Variants in ZBTB16 observed in about 807,000 individuals in gnomAD.
ZBTB16 encodes the protein zinc finger and BTB domain containing 16, also known as zinc finger and BTB domain-containing protein 16.
A neutral mutation model predicts 56.8 loss-of-function variants in ZBTB16; 8 were observed. The observed-to-expected ratio is 0.14, with a 90% confidence interval of 0.08 to 0.25. ZBTB16 has a LOEUF of 0.25. Ranked by LOEUF, ZBTB16 falls within the 10% of genes least tolerant of loss-of-function variation. The pLI is 1.00. For missense variants in ZBTB16, 625 were observed against 903.0 expected, an observed-to-expected ratio of 0.69 and a Z score of 3.95; for synonymous variants, 363 against 368.5, an observed-to-expected ratio of 0.98 and a Z score of 0.17.
At chr11:114,089,219 A>G (rs1397177397) in intron 2 of ZBTB16, among the ~76,000 whole-genome samples, 2 of 152,132 alleles carry the variant, frequency 1.3e-5, no homozygotes, top group African/African-American at 4.8e-5. Context: ...TGTGAAGGGT[A>G]GATCCTGGAG....
rs998826445 is a variant in ZBTB16, at chr11:114,111,653, C to G, written c.1269-44684C>G. Among the ~76,000 whole-genome samples, 14 of 152,220 alleles carry G rather than the reference C, an allele frequency of 9.2e-5. No homozygotes were observed. In the East Asian group the frequency reaches 2.1e-3, roughly 23 times the overall value. On this transcript the variant is annotated intron_variant, in intron 2 of 6. Coordinates refer to ENST00000335953, the MANE Select transcript of ZBTB16 (RefSeq NM_006006.6). ...AATGAGATGCAGAGACCACCATGTC[C>G]TATGAAGGGCTGAGAGTTCCTTTGG...
intron 4 of ZBTB16, among the ~76,000 whole-genome samples, chr11:114,236,448 C>T (rs1222360207): frequency 6.6e-6 from 1 of 152,172 alleles, no homozygotes; most frequent in African/African-American, 2.4e-5. Flanking sequence ...CTTCTATGGT[C>T]TGGGTTTTTG....
chr11:114,174,575 A>G (rs922592071), intron 3 of ZBTB16, among the ~76,000 whole-genome samples: 7 of 152,076 alleles, frequency 4.6e-5, no homozygotes, highest in African/African-American at 1.2e-4. Flanking sequence ...TCTCTCTCCA[A>G]TGCCACTTGC....
At chr11:114,237,040 C>T (rs1944607623) in intron 4 of ZBTB16, among the ~76,000 whole-genome samples, 3 of 152,210 alleles carry the variant, frequency 2.0e-5, no homozygotes, top group Admixed American at 2.0e-4. Context: ...TTGTGCAGGG[C>T]TGCCATGACT....
chr11:114,080,285 G>C (rs1239649439), intron 2 of ZBTB16, among the ~76,000 whole-genome samples: 1 of 152,066 alleles, frequency 6.6e-6, no homozygotes, highest in African/African-American at 2.4e-5. Flanking sequence ...TTGAATAGTG[G>C]AGAGAGGAAT....
chr11:114,106,207 G>A (rs945179864), intron 2 of ZBTB16, among the ~76,000 whole-genome samples: 2 of 152,104 alleles, frequency 1.3e-5, no homozygotes, highest in South Asian at 2.1e-4. Context: ...CACGACAGCC[G>A]CAGGCCTTTC....
intron 2 of ZBTB16, among the ~76,000 whole-genome samples, chr11:114,132,557 T>G (rs2134865429): frequency 6.6e-6 from 1 of 152,292 alleles, no homozygotes; most frequent in Non-Finnish European, 1.5e-5. Flanking sequence ...TCCCTGAGCC[T>G]CCATCCTGCC....
At chr11:114,077,646 G>A (rs1025815601) in intron 2 of ZBTB16, among the ~76,000 whole-genome samples, 1 of 152,144 alleles carries the variant, frequency 6.6e-6, no homozygotes, top group Non-Finnish European at 1.5e-5. Context: ...CCACAGAAAG[G>A]AGTTGCCTCA....
intron 4 of ZBTB16, chr11:114,209,545 T>C (rs1943955058): frequency 1.0e-6 from 1 of 985,290 alleles, no homozygotes; most frequent in Non-Finnish European, 1.2e-6. Context: ...ACCCTGAGGC[T>C]CTGGGAAGCA....
At chr11:114,194,520 G>A (rs1393403377) in intron 4 of ZBTB16, among the ~76,000 whole-genome samples, 2 of 152,184 alleles carry the variant, frequency 1.3e-5, no homozygotes, top group African/African-American at 2.4e-5. Context: ...TTGGTACAAC[G>A]AAGGCTTTGA....
At chr11:114,120,217 G>A (rs1250781412) in intron 2 of ZBTB16, among the ~76,000 whole-genome samples, 1 of 152,148 alleles carries the variant, frequency 6.6e-6, no homozygotes, top group Non-Finnish European at 1.5e-5. Flanking sequence ...CTTCCCAGGA[G>A]CCACCCCAAA....
chr11:114,232,606 T>TTGGGTTGGGC (rs1483084592), intron 4 of ZBTB16, among the ~76,000 whole-genome samples: 5 of 102,198 alleles, frequency 4.9e-5, no homozygotes, highest in African/African-American at 2.3e-4. Context: ...TTGGGCTGGG[T>TTGGGTTGGGC]TGGGTTGGGC....
chr11:114,217,533 C>T (rs1002734120), intron 4 of ZBTB16, among the ~76,000 whole-genome samples: 1 of 152,034 alleles, frequency 6.6e-6, no homozygotes, highest in Non-Finnish European at 1.5e-5. Flanking sequence ...GAGATCCAGG[C>T]CAAGCAGGTT....
chr11:114,233,077 GCGCGCA>G (rs1460793008), intron 4 of ZBTB16, among the ~76,000 whole-genome samples: 16 of 35,750 alleles, frequency 4.5e-4, no homozygotes, highest in African/African-American at 1.2e-3. Flanking sequence ...GCGCGCGCGC[GCGCGCA>G]CACACACACA....
At chr11:114,161,234 T>G (rs796850548) in intron 3 of ZBTB16, among the ~76,000 whole-genome samples, 5 of 152,228 alleles carry the variant, frequency 3.3e-5, no homozygotes, top group African/African-American at 1.2e-4. Context: ...TCCTGGTGGC[T>G]TATAAGTGAG....
intron 2 of ZBTB16, among the ~76,000 whole-genome samples, chr11:114,140,256 C>G (rs1941911304): frequency 6.6e-6 from 1 of 152,200 alleles, no homozygotes; most frequent in South Asian, 2.1e-4. Context: ...ATGAGCCCCC[C>G]TCCTTGGGGA....
intron 2 of ZBTB16, among the ~76,000 whole-genome samples, chr11:114,100,685 ACAG>A (rs1940574697): frequency 6.6e-6 from 1 of 152,172 alleles, no homozygotes; most frequent in Admixed American, 6.5e-5. Flanking sequence ...TTACTCAGGC[ACAG>A]ATGGAAAAAG....
intron 2 of ZBTB16, among the ~76,000 whole-genome samples, chr11:114,155,337 T>G: frequency 6.6e-6 from 1 of 152,168 alleles, no homozygotes; most frequent in East Asian, 1.9e-4. Context: ...GGAGTGTGGG[T>G]GGGCGGCAGC....
chr11:114,164,184 C>T (rs1171694018), intron 3 of ZBTB16, among the ~76,000 whole-genome samples: 2 of 152,196 alleles, frequency 1.3e-5, no homozygotes, highest in Non-Finnish European at 2.9e-5. Context: ...TCATTTTTCC[C>T]CCCTCAGAGA....
Sources: gnomAD v4.1 joint callset for allele counts (sites outside exome capture counted in the v4.1 genomes callset) on GRCh38, gnomAD v4.1.1 for gene constraint, MANE v1.5 for transcripts, NCBI Gene and HGNC (gene_info 2026-07-23, HGNC 2026-07-21) for gene names.